The following NLRP5 variants were observed in gnomAD, a reference collection of about 807,000 sequenced individuals.
NLRP5 encodes NACHT, LRR and PYD domains-containing protein 5.
In NLRP5, 93 loss-of-function variants were observed where a neutral mutation model predicts 113.1. The observed-to-expected ratio is 0.82, with a 90% CI of 0.70 to 0.98. The LOEUF is 0.98. NLRP5 is among the 50% of genes least tolerant of loss of function. The pLI is 0.00. For missense variants in NLRP5, 1,808 were observed against 1,514.3 expected (o/e 1.19, Z -3.22); for synonymous variants, 751 against 600.7 (o/e 1.25, Z -3.66).
chr19:56,000,091 G>T (rs558406842), intron 1 of NLRP5, among the ~76,000 whole-genome samples: 1 of 151,278 alleles, frequency 6.6e-6, no homozygotes, highest in African/African-American at 2.5e-5. Context: ...TCCAGGGACT[G>T]CCACCTCTCC....
chr19:56,044,844 G>A (rs950096638), intron 11 of NLRP5, among the ~76,000 whole-genome samples: 5 of 152,180 alleles, frequency 3.3e-5, no homozygotes, highest in Non-Finnish European at 7.4e-5. Context: ...ATGAGCATGG[G>A]ATGTGTGTCC....
At chr19:56,005,638 A>ACGCG (rs199510267) in intron 2 of NLRP5, among the ~76,000 whole-genome samples, 35 of 136,546 alleles carry the variant, frequency 2.6e-4, no homozygotes, top group Non-Finnish European at 3.7e-4. Context: ...ACACACACAC[A>ACGCG]CACACGCGCG....
intron 2 of NLRP5, among the ~76,000 whole-genome samples, chr19:56,006,830 T>C (rs1380745462): frequency 5.3e-5 from 8 of 151,752 alleles, no homozygotes; most frequent in East Asian, 2.0e-4. Context: ...AGCTCCGCCT[T>C]CCGGGTTCAT....
intron 7 of NLRP5, among the ~76,000 whole-genome samples, chr19:56,031,261 A>T (rs1983101467): frequency 6.6e-6 from 1 of 152,040 alleles, no homozygotes; most frequent in Non-Finnish European, 1.5e-5. Flanking sequence ...ATGAAACGAT[A>T]ACTCCATCTC....
chr19:56,039,965 T>C lies in NLRP5; in HGVS notation c.2787-957T>C, dbSNP rs975792816. Among the ~76,000 whole-genome samples, 5 of 152,004 alleles carry C rather than the reference T, an allele frequency of 3.3e-5. No individual in the cohort carries two copies. In the East Asian group the frequency reaches 5.8e-4, roughly 18 times the overall value. On this transcript the variant is annotated intron_variant, in intron 10 of 14. Transcript: ENST00000390649. ...TGCCTAAGGGTCATGATGTGTTAGATGTAGTTTTGGGGGGTGGTCTTGCTC... is the reference window on the plus strand; with the variant it reads ...TGCCTAAGGGTCATGATGTGTTAGACGTAGTTTTGGGGGGTGGTCTTGCTC...
rs753433376 is a variant in NLRP5, at chr19:56,027,394, G to A, written c.1161G>A (p.Pro387=). The A allele has an allele frequency of 1.9e-6, 3 of 1,613,424 alleles. No homozygotes were observed. The highest frequency in any genetic ancestry group is 2.7e-5 in the African/African-American group (2 of 75,034). ...AAGACTGGGCTGAGAAGCAGCCTCC[G>A]TTCACCCTCATACGCAGTCTGCTGA... Residue 387 remains proline, a synonymous_variant, in exon 7 of 15, where the codon CCG becomes CCA. Transcript: ENST00000390649.
chr19:55,995,206 T>C (rs559455914), upstream of NLRP5, among the ~76,000 whole-genome samples: 11 of 152,232 alleles, frequency 7.2e-5, no homozygotes, highest in South Asian at 2.3e-3. Flanking sequence ...CTGGGGCCTG[T>C]CCTAGGGTGT....
rs971592934 is a variant in NLRP5 at position 56,041,209 on chromosome 19, G to A, written c.2957+117G>A. ...TGGACATCATCACATGAAGGGACCT[G>A]GTATATGCTGAATTCTGTCCATGTC... On this transcript the variant is annotated intron_variant, in intron 11 of 14. Coordinates refer to ENST00000390649, the MANE Select transcript of NLRP5 (RefSeq NM_153447.4). The A allele has an allele frequency of 3.2e-6, 3 of 925,234 alleles. No homozygotes were observed. The Admixed American group carries it at 6.7e-5, about 21-fold the overall frequency. The allele number at this position is 925,234 out of a possible 1,614,324, so 57.3% of individuals were successfully genotyped here.
intron 1 of NLRP5, among the ~76,000 whole-genome samples, chr19:56,000,500 G>T (rs992347787): frequency 1.3e-5 from 2 of 151,886 alleles, no homozygotes; most frequent in African/African-American, 4.8e-5. Context: ...TAGTAGCTGG[G>T]ACTACAGGCG....
chr19:56,022,945 C>T (rs994782633), intron 6 of NLRP5, among the ~76,000 whole-genome samples: 1 of 152,072 alleles, frequency 6.6e-6, no homozygotes, highest in Admixed American at 6.5e-5. Flanking sequence ...AGGCTGGTCT[C>T]GAACTCTCAA....
At chr19:56,061,248 G>C (rs1389053029) in intron 14 of NLRP5, 148 bp from the exon 15 acceptor site, 25 of 675,740 alleles carry the variant, frequency 3.7e-5, no homozygotes, top group Admixed American at 1.8e-4. Context: ...TCAATAATTT[G>C]TTAGTCATTG....
At chr19:56,040,254 AC>A (rs1983469925) in intron 10 of NLRP5, among the ~76,000 whole-genome samples, 1 of 152,054 alleles carries the variant, frequency 6.6e-6, no homozygotes, top group Admixed American at 6.5e-5. Flanking sequence ...CCCTAAGTGT[AC>A]TTTTAAATTG....
At chr19:56,021,910 C>T (rs182973710) in intron 6 of NLRP5, among the ~76,000 whole-genome samples, 1 of 152,280 alleles carries the variant, frequency 6.6e-6, no homozygotes, top group African/African-American at 2.4e-5. Flanking sequence ...CACCTTTCTT[C>T]TGGAACGATC....
intron 7 of NLRP5, 144 bp from the exon 8 acceptor site, chr19:56,032,467 T>C: frequency 3.3e-6 from 2 of 612,412 alleles, no homozygotes; most frequent in South Asian, 4.5e-5. Flanking sequence ...CAAAGTGTGA[T>C]GGCAGCCGCT....
At chr19:56,006,966 C>G (rs1424889839) in intron 2 of NLRP5, among the ~76,000 whole-genome samples, 1 of 151,134 alleles carries the variant, frequency 6.6e-6, no homozygotes, top group African/African-American at 2.4e-5. Flanking sequence ...GTCTCGATCT[C>G]CCGACCTTGT....
intron 5 of NLRP5, among the ~76,000 whole-genome samples, chr19:56,019,747 T>A (rs1479199432): frequency 6.6e-6 from 1 of 152,168 alleles, no homozygotes; most frequent in Non-Finnish European, 1.5e-5. Context: ...ATTTTTGTAA[T>A]TCCTTCTATC....
rs745788938 is a variant in NLRP5 at position 55,999,775 on chromosome 19, C to A, written c.50C>A (p.Ala17Glu). 6.2e-7 allele frequency: 1 copy of A among 1,613,218 alleles called. No individual in the cohort carries two copies. Among genetic ancestry groups the A allele is most frequent in the Non-Finnish European group, 8.5e-7 (1 of 1,179,356 alleles). Reference sequence around the variant, plus strand: ...CTTGGAGCTGCTGCTCTGCTCTCAGCATCACCACGTGCGTCGACAGCCTCT... The same window carrying A: ...CTTGGAGCTGCTGCTCTGCTCTCAGAATCACCACGTGCGTCGACAGCCTCT... Residue 17 changes from alanine (A) to glutamate (E), a missense_variant, in exon 1 of 15, where the codon GCA becomes GAA. Ala to Glu is a moderately radical substitution (Grantham distance 107). Transcript: ENST00000390649.
chr19:56,015,289 G>C lies in NLRP5; in HGVS notation c.509-453G>C, dbSNP rs191932602. 6.7e-4 allele frequency among the ~76,000 whole-genome samples: 102 copies of C among 152,178 alleles called. 2 individuals carry two copies. Among genetic ancestry groups the C allele is most frequent in the Non-Finnish European group, 4.4e-4 (30 of 67,996 alleles). On this transcript the variant is annotated intron_variant, in intron 3 of 14. Transcript: ENST00000390649. The stretch of plus-strand genomic sequence containing the variant: ...CGGCTCACTGAAACCTCTGCCTCCT[G>C]GGTTCAGGCAATTCTCCTGCCTCAG...
At chr19:55,988,143 G>A in the NLRP5 span, 3 of 354,136 alleles carry the variant, frequency 8.5e-6, no homozygotes, top group South Asian at 7.4e-5. Context: ...CTGTAACCCA[G>A]CACTATGGGA....
Sources: allele counts gnomAD v4.1 joint callset (sites outside exome capture counted in the v4.1 genomes callset), GRCh38; gene constraint gnomAD v4.1.1; transcripts MANE v1.5; gene names NCBI Gene and HGNC (gene_info 2026-07-23, HGNC 2026-07-21).